HECTD2: variants seen among roughly 807,000 people sequenced by gnomAD.
HECTD2 encodes the protein probable E3 ubiquitin-protein ligase HECTD2.
HECTD2 carries 35 observed loss-of-function variants against 103.2 expected under a neutral mutation model. The ratio of observed to expected loss-of-function variants is 0.34; its 90% CI spans 0.26 to 0.45. The LOEUF is 0.45. Among genes scored for constraint, HECTD2 ranks in the 20% least tolerant of loss-of-function variants. The probability of loss-of-function intolerance (pLI) is 1.00; values close to 1 mark genes in which losing one functional copy is unlikely to be tolerated. For synonymous variants in HECTD2, 281 were observed against 329.9 expected (o/e 0.85, Z 1.61); for missense variants, 596 against 937.4 (o/e 0.64, Z 4.76).
rs769994485 is a variant in HECTD2 at position 91,499,127 on chromosome 10, G to A, written c.1927G>A (p.Val643Met). The change falls in exon 18 of 21, where the codon GTG becomes ATG. Residue 643 changes from valine (V) to methionine (M), a missense_variant. Coordinates refer to ENST00000298068, the MANE Select transcript of HECTD2 (RefSeq NM_182765.6). ...FAAFYYGFHS[V>M]CASNALMLLR... ...TGCATTTTATTATGGATTTCATAGTGTGTGTGCTTCAAATGCCCTAATGGT... is the reference window on the plus strand; with the variant it reads ...TGCATTTTATTATGGATTTCATAGTATGTGTGCTTCAAATGCCCTAATGGT... The A allele has an allele frequency of 6.2e-7, 1 of 1,610,718 alleles. No homozygotes were observed. The highest frequency in any genetic ancestry group is 8.5e-7 in the Non-Finnish European group (1 of 1,177,250).
rs1235119839 is a variant in HECTD2, at chr10:91,484,605, C to T, written c.920C>T (p.Thr307Ile). Residue 307 changes from threonine (T) to isoleucine (I), a missense_variant, in exon 9 of 21, where the codon ACA becomes ATA. Around this residue, in one of 4 missense-constraint regions of HECTD2, gnomAD observed 303 missense variants for 522.5 expected, o/e 0.58. Transcript: ENST00000298068. ...AAGCCTGAAGAATTTCCACCTATAA[C>T]AAAGTGTTCCTGGTGGATTCCATCA... ...PAKPEEFPPI[T>I]KCSWWIPSAA... 3 of 1,612,346 alleles carry T rather than the reference C, an allele frequency of 1.9e-6. No homozygotes were observed. Among genetic ancestry groups the T allele is most frequent in the Admixed American group, 1.7e-5 (1 of 59,862 alleles).
intron 8 of HECTD2, 49 bp downstream of exon 8, chr10:91,483,125 G>A (rs759883507): frequency 6.5e-6 from 5 of 769,696 alleles, no homozygotes; most frequent in Non-Finnish European, 1.1e-5. Context: ...ACAGTTTTAA[G>A]TTTGGTATTA....
intron 5 of HECTD2, among the ~76,000 whole-genome samples, chr10:91,475,442 A>T (rs1845866797): frequency 6.6e-6 from 1 of 152,176 alleles, no homozygotes; most frequent in African/African-American, 2.4e-5. Flanking sequence ...AAAGAAGAGT[A>T]TTCCACCTTG....
chr10:91,504,923 G>C (rs990560972), intron 20 of HECTD2, among the ~76,000 whole-genome samples: 3 of 152,294 alleles, frequency 2.0e-5, no homozygotes, highest in Admixed American at 2.0e-4. Flanking sequence ...ACTAACAGCG[G>C]ATCTCTTGGC....
chr10:91,451,730 T>G (rs918748454), intron 2 of HECTD2, among the ~76,000 whole-genome samples: 1 of 152,110 alleles, frequency 6.6e-6, no homozygotes, highest in African/African-American at 2.4e-5. Context: ...CTAATGAAAT[T>G]TATCTTTGCT....
chr10:91,510,090 A>G (rs746690777), intron 20 of HECTD2, among the ~76,000 whole-genome samples: 14 of 152,178 alleles, frequency 9.2e-5, no homozygotes, highest in Non-Finnish European at 1.8e-4. Flanking sequence ...CAGGATTTCA[A>G]TTTTAAATTC....
rs1481418135 is a variant in HECTD2 at position 91,504,461 on chromosome 10, C to T, written c.2210+3127C>T. ...GCTGATGGAGCTGAAAACCAAGGCT[C>T]GAGAACCACGTGAAGAATGCAGAAG... On this transcript the variant is annotated intron_variant, in intron 20 of 20. Coordinates refer to ENST00000298068, the MANE Select transcript of HECTD2 (RefSeq NM_182765.6). Among the ~76,000 whole-genome samples the T allele has an allele frequency of 2.1e-3, 316 of 152,012 alleles. 1 individual carries two copies. Among genetic ancestry groups the T allele is most frequent in the African/African-American group, 7.0e-3 (292 of 41,470 alleles).
At chr10:91,445,718 G>A (rs1844575463) in intron 2 of HECTD2, among the ~76,000 whole-genome samples, 1 of 152,116 alleles carries the variant, frequency 6.6e-6, no homozygotes, top group Non-Finnish European at 1.5e-5. Context: ...TAGACAGTGG[G>A]TGCAGACTGT....
intron 2 of HECTD2, among the ~76,000 whole-genome samples, chr10:91,427,926 G>C (rs1237970085): frequency 6.6e-6 from 1 of 151,618 alleles, no homozygotes; most frequent in African/African-American, 2.4e-5. Flanking sequence ...ATTGCTTTTG[G>C]TGTTTTAGAC....
intron 3 of HECTD2, 131 bp from the exon 4 acceptor site, chr10:91,461,123 A>G: frequency 2.0e-6 from 1 of 488,778 alleles, no homozygotes; most frequent in Non-Finnish European, 3.6e-6. Flanking sequence ...CATAAACTAT[A>G]TTAACTGGGA....
chr10:91,497,315 C>CAG (rs200849445), intron 15 of HECTD2, among the ~76,000 whole-genome samples: 26,908 of 135,552 alleles, frequency 0.2, 6,812 homozygotes, highest in African/African-American at 0.6. Context: ...CTGCCCAAGA[C>CAG]AGTCTTGCTC....
chr10:91,505,775 A>T (rs146474503), intron 20 of HECTD2, among the ~76,000 whole-genome samples: 14,021 of 151,664 alleles, frequency 0.092, 1,212 homozygotes, highest in African/African-American at 0.25. Context: ...AAGCAGACCT[A>T]ATAGACATCT....
At chr10:91,504,683 A>C in intron 20 of HECTD2, among the ~76,000 whole-genome samples, 1 of 151,944 alleles carries the variant, frequency 6.6e-6, no homozygotes, top group Admixed American at 6.6e-5. Context: ...GGAGAATGGA[A>C]CCAAGTTGGA....
intron 20 of HECTD2, among the ~76,000 whole-genome samples, chr10:91,508,089 A>T (rs1449562215): frequency 9.7e-6 from 1 of 103,354 alleles, no homozygotes; most frequent in Non-Finnish European, 1.8e-5. Flanking sequence ...CTGAAACTGG[A>T]TCCCTTCCTT....
At chr10:91,504,660 C>A (rs1430636383) in intron 20 of HECTD2, among the ~76,000 whole-genome samples, 2 of 151,726 alleles carry the variant, frequency 1.3e-5, no homozygotes, top group Non-Finnish European at 2.9e-5. Context: ...ATTGGTGTAC[C>A]TGAAAGTGAC....
At chr10:91,503,628 C>T (rs59758370) in intron 20 of HECTD2, among the ~76,000 whole-genome samples, 14,574 of 152,218 alleles carry the variant, frequency 0.096, 1,495 homozygotes, top group African/African-American at 0.26. Flanking sequence ...GAGGGTCCTA[C>T]CCCACGGAGT....
At chr10:91,428,838 C>A (rs995298868) in intron 2 of HECTD2, among the ~76,000 whole-genome samples, 3 of 151,998 alleles carry the variant, frequency 2.0e-5, no homozygotes, top group Non-Finnish European at 4.4e-5. Context: ...GACAATTCGA[C>A]TTCCTCTTTT....
At chr10:91,500,843 T>C (rs914573869) in intron 19 of HECTD2, among the ~76,000 whole-genome samples, 1 of 152,106 alleles carries the variant, frequency 6.6e-6, no homozygotes, top group Non-Finnish European at 1.5e-5. Context: ...AGTGTAGAGA[T>C]TTTACTTTTA....
chr10:91,498,208 T>C lies in HECTD2; in HGVS notation c.1755+26T>C, dbSNP rs1032300398. The C allele has an allele frequency of 2.7e-6, 4 of 1,456,364 alleles. No homozygotes were observed. In the Admixed American group the frequency reaches 6.7e-5, roughly 24 times the overall value. The allele number at this position is 1,456,364 out of a possible 1,614,324, so 90.2% of individuals were successfully genotyped here. ...GTACTATTAAGGGCAAGTAGTTATC[T>C]GTTAATCATATATTTCATATATGAA... On this transcript the variant is annotated intron_variant, in intron 16 of 20. Coordinates refer to ENST00000298068, the MANE Select transcript of HECTD2 (RefSeq NM_182765.6).
Sources: allele counts gnomAD v4.1 joint callset (sites outside exome capture counted in the v4.1 genomes callset), GRCh38; gene constraint gnomAD v4.1.1; regional missense constraint gnomAD v4.1.1; transcripts MANE v1.5; gene names NCBI Gene and HGNC (gene_info 2026-07-23, HGNC 2026-07-21).